MCCC2: variants seen among roughly 807,000 people sequenced by gnomAD.
MCCC2 encodes the protein methylcrotonoyl-CoA carboxylase beta chain, mitochondrial.
In MCCC2, 52 loss-of-function variants were observed where a neutral mutation model predicts 77.2. The observed-to-expected ratio is 0.67, with a 90% CI of 0.54 to 0.85. MCCC2 has a LOEUF of 0.85. Among genes scored for constraint, MCCC2 ranks in the 40% least tolerant of loss-of-function variants. MCCC2 has a pLI of 0.00. For synonymous variants in MCCC2, 253 were observed against 248.4 expected (o/e 1.02, Z -0.18); for missense variants, 682 against 703.2 (o/e 0.97, Z 0.34).
chr5:71,627,285 T>A (rs927007859), intron 7 of MCCC2, among the ~76,000 whole-genome samples: 1 of 152,260 alleles, frequency 6.6e-6, no homozygotes, highest in Non-Finnish European at 1.5e-5. Context: ...CTATTATGAA[T>A]AATGCTGCTA....
chr5:71,596,220 T>A, intron 2 of MCCC2, 60 bp from the exon 3 acceptor site: 1 of 1,411,884 alleles, frequency 7.1e-7, no homozygotes, highest in Non-Finnish European at 1.0e-6. Flanking sequence ...TATGTTTTTC[T>A]GGCATTGAGA....
Position 71,604,382 on chromosome 5 carries a change from C to T in MCCC2, c.538C>T (p.Arg180Ter), listed in dbSNP as rs780011606. 3 of 1,614,052 alleles carry T rather than the reference C, an allele frequency of 1.9e-6. No homozygotes were observed. Among genetic ancestry groups the T allele is most frequent in the Admixed American group, 1.7e-5 (1 of 60,002 alleles). Residue 180 changes from arginine to a stop codon, truncating the protein, a stop_gained, in exon 6 of 17, where the codon CGA becomes TGA. Transcript: ENST00000340941. LOFTEE classifies it high-confidence loss of function. ...LVDSGGAYLP[R>*]QADVFPDRDH... Reference sequence around the variant, plus strand: ...TGATTCGGGAGGAGCATACTTACCTCGACAAGCAGATGTGTTTCCAGATCG... The same window carrying T: ...TGATTCGGGAGGAGCATACTTACCTTGACAAGCAGATGTGTTTCCAGATCG...
intron 6 of MCCC2, among the ~76,000 whole-genome samples, chr5:71,613,388 G>C (rs910887804): frequency 1.3e-5 from 2 of 152,186 alleles, no homozygotes; most frequent in Non-Finnish European, 2.9e-5. Context: ...AAAATCAAAA[G>C]TGTACTTACT....
At chr5:71,602,945 A>C in intron 5 of MCCC2, 2 of 339,020 alleles carry the variant, frequency 5.9e-6, no homozygotes, top group South Asian at 7.5e-5. Flanking sequence ...CTATGAAAAA[A>C]ATAGTAGCAA....
At chr5:71,605,683 G>A (rs1168148080) in intron 6 of MCCC2, among the ~76,000 whole-genome samples, 1 of 151,880 alleles carries the variant, frequency 6.6e-6, no homozygotes, top group Admixed American at 6.6e-5. Flanking sequence ...TAATGCCTAG[G>A]TTTTCTTCTA....
chr5:71,602,639 T>TC lies in MCCC2; in HGVS notation c.511+7dup, dbSNP rs200382661. 828 of 1,614,194 alleles carry TC rather than the reference T, an allele frequency of 5.1e-4. 9 individuals carry two copies. In the East Asian group the frequency reaches 0.017, roughly 32 times the overall value. On this transcript the variant is annotated splice_region_variant and intron_variant, in intron 5 of 16. Coordinates refer to ENST00000340941, the MANE Select transcript of MCCC2 (RefSeq NM_022132.5). ...GCTCCCCTGCATCTACTTAGGCAAG[T>TC]CACCAGAGTGGTAAAATAAACTATT...
chr5:71,603,431 A>G (rs1231182831), intron 5 of MCCC2, among the ~76,000 whole-genome samples: 6 of 151,854 alleles, frequency 4.0e-5, no homozygotes, highest in Admixed American at 6.6e-5. Flanking sequence ...AAAAAAAAAA[A>G]AAAAAAAATG....
intron 6 of MCCC2, among the ~76,000 whole-genome samples, chr5:71,619,691 G>A (rs1313454586): frequency 6.6e-6 from 1 of 152,074 alleles, no homozygotes; most frequent in Non-Finnish European, 1.5e-5. Context: ...GTGCTACCCT[G>A]CTTGGCTTGT....
chr5:71,598,608 T>A (rs1392536863), intron 3 of MCCC2, among the ~76,000 whole-genome samples: 7 of 55,278 alleles, frequency 1.3e-4, no homozygotes, highest in Non-Finnish European at 1.9e-4. Context: ...CCTGGCTAAT[T>A]TTTTTTTTTT....
chr5:71,616,055 G>A (rs1247167099), intron 6 of MCCC2, among the ~76,000 whole-genome samples: 2 of 152,186 alleles, frequency 1.3e-5, no homozygotes, highest in African/African-American at 4.8e-5. Flanking sequence ...CCTAAATGGT[G>A]TTCAGAGAGC....
intron 7 of MCCC2, among the ~76,000 whole-genome samples, chr5:71,631,753 C>G (rs6886804): frequency 0.77 from 113,449 of 147,000 alleles, 44,153 homozygotes; most frequent in East Asian, 0.87. Flanking sequence ...TGTTAGCCAG[C>G]ATGGTCTCGA....
At chr5:71,650,871 G>C (rs555274758) in intron 15 of MCCC2, among the ~76,000 whole-genome samples, 17 of 152,248 alleles carry the variant, frequency 1.1e-4, no homozygotes, top group African/African-American at 4.1e-4. Context: ...GGATGGTCTC[G>C]ATCTCCTGCC....
intron 6 of MCCC2, among the ~76,000 whole-genome samples, chr5:71,619,713 A>G (rs1468889904): frequency 1.3e-5 from 2 of 152,132 alleles, no homozygotes; most frequent in Non-Finnish European, 2.9e-5. Context: ...TTAAAAATGC[A>G]TTTCAAAGCA....
At chr5:71,611,567 G>T (rs562190646) in intron 6 of MCCC2, among the ~76,000 whole-genome samples, 2 of 152,124 alleles carry the variant, frequency 1.3e-5, no homozygotes, top group Non-Finnish European at 2.9e-5. Flanking sequence ...AAAGTAGATT[G>T]AGTAAAAAAC....
chr5:71,598,448 T>TTAA (rs1561820553), intron 3 of MCCC2, among the ~76,000 whole-genome samples: 3 of 151,550 alleles, frequency 2.0e-5, no homozygotes, highest in Admixed American at 6.6e-5. Flanking sequence ...TAATTAATTA[T>TTAA]TTATTTTTTG....
intron 10 of MCCC2, among the ~76,000 whole-genome samples, 185 bp from the exon 11 acceptor site, chr5:71,640,818 G>A (rs921965578): frequency 6.6e-6 from 1 of 152,188 alleles, no homozygotes; most frequent in Non-Finnish European, 1.5e-5. Flanking sequence ...TATAAAATCA[G>A]AACCCAGAAT....
At chr5:71,590,710 G>A (rs1744939174) in intron 1 of MCCC2, among the ~76,000 whole-genome samples, 2 of 152,132 alleles carry the variant, frequency 1.3e-5, no homozygotes, top group African/African-American at 2.4e-5. Flanking sequence ...CCAGCTACTT[G>A]GGAGTGTGAG....
chr5:71,615,499 TC>T (rs1746130964), intron 6 of MCCC2, among the ~76,000 whole-genome samples: 1 of 152,204 alleles, frequency 6.6e-6, no homozygotes, highest in Non-Finnish European at 1.5e-5. Flanking sequence ...ACCTGTCATC[TC>T]CCTGATCTTT....
At chr5:71,611,499 C>T (rs970487081) in intron 6 of MCCC2, among the ~76,000 whole-genome samples, 9 of 152,132 alleles carry the variant, frequency 5.9e-5, no homozygotes, top group African/African-American at 2.2e-4. Flanking sequence ...ATTAATAATA[C>T]AGTTTTTGTC....
Sources: allele counts gnomAD v4.1 joint callset (sites outside exome capture counted in the v4.1 genomes callset), GRCh38; gene constraint gnomAD v4.1.1; transcripts MANE v1.5; gene names NCBI Gene and HGNC (gene_info 2026-07-23, HGNC 2026-07-21).